NAV1: variants seen among roughly 807,000 people sequenced by gnomAD.
NAV1 encodes the protein pore membrane and/or filament interacting like protein 3.
A neutral mutation model predicts 175.2 loss-of-function variants in NAV1; 18 were observed. The observed-to-expected ratio is 0.10, with a 90% CI of 0.07 to 0.15. NAV1 has a LOEUF of 0.15. NAV1 is among the 10% of genes least tolerant of loss of function. NAV1 has a pLI of 1.00. For missense variants in NAV1, 1,731 were observed against 2,436.6 expected, an observed-to-expected ratio of 0.71 and a Z score of 6.10; for synonymous variants, 897 against 978.7, an observed-to-expected ratio of 0.92 and a Z score of 1.56.
At chr1:201,645,368 A>G (rs1383419480), upstream of NAV1, among the ~76,000 whole-genome samples, 1 of 127,432 alleles carries the variant, frequency 7.8e-6, no homozygotes, top group African/African-American at 3.0e-5. Flanking sequence ...ACATGGACAC[A>G]GGAAGGGGAA....
chr1:201,602,954 C>G (rs1667567462), intron 2 of NAV1, among the ~76,000 whole-genome samples: 1 of 152,138 alleles, frequency 6.6e-6, no homozygotes, highest in African/African-American at 2.4e-5. Flanking sequence ...GCTTCAAAAC[C>G]ACAGAGGGAT....
At chr1:201,617,238 C>G (rs2142499) in intron 2 of NAV1, among the ~76,000 whole-genome samples, 34,179 of 150,484 alleles carry the variant, frequency 0.23, 5,415 homozygotes, top group African/African-American at 0.44. Flanking sequence ...CTCTCTCTCT[C>G]TCTGTCTGTC....
intron 1 of NAV1, among the ~76,000 whole-genome samples, chr1:201,704,613 G>C (rs587164): frequency 0.057 from 8,662 of 152,330 alleles, 327 homozygotes; most frequent in South Asian, 0.15. Flanking sequence ...CCCTGGTTTT[G>C]TAATGGACAT....
intron 1 of NAV1, among the ~76,000 whole-genome samples, chr1:201,711,203 C>T (rs1385958347): frequency 6.6e-6 from 1 of 152,230 alleles, no homozygotes; most frequent in African/African-American, 2.4e-5. Context: ...CCATTTGTCC[C>T]TGATCCTTGC....
intron 1 of NAV1, among the ~76,000 whole-genome samples, chr1:201,628,500 A>G (rs1383825792): frequency 3.9e-5 from 6 of 152,134 alleles, no homozygotes; most frequent in African/African-American, 1.2e-4. Flanking sequence ...CCATCTAGGC[A>G]TTGAAAAAAG....
At chr1:201,550,238 T>C (rs1013077808) in intron 1 of NAV1, among the ~76,000 whole-genome samples, 21 of 152,076 alleles carry the variant, frequency 1.4e-4, no homozygotes, top group Non-Finnish European at 2.6e-4. Context: ...GTGGCACCAA[T>C]GCAGCTCACT....
chr1:201,577,598 T>TAAACA (rs1313273179), intron 1 of NAV1, among the ~76,000 whole-genome samples: 1 of 152,074 alleles, frequency 6.6e-6, no homozygotes, highest in African/African-American at 2.4e-5. Context: ...TGGGCATATT[T>TAAACA]GTGTGGGTCT....
intron 1 of NAV1, among the ~76,000 whole-genome samples, chr1:201,585,563 T>C (rs1480012128): frequency 1.3e-5 from 2 of 152,276 alleles, no homozygotes; most frequent in East Asian, 3.9e-4. Context: ...GCAAATCTTA[T>C]ATCTGATAAG....
At chr1:201,736,596 C>T (rs1461459011) in intron 3 of NAV1, among the ~76,000 whole-genome samples, 1 of 152,156 alleles carries the variant, frequency 6.6e-6, no homozygotes, top group African/African-American at 2.4e-5. Flanking sequence ...GAATTACCCC[C>T]TCCCAGGAAT....
chr1:201,784,734 C>A (rs185242957), intron 7 of NAV1, among the ~76,000 whole-genome samples: 2 of 151,722 alleles, frequency 1.3e-5, no homozygotes, highest in Admixed American at 1.3e-4. Flanking sequence ...ACTAACTATG[C>A]CTTAATTTCT....
chr1:201,643,985 A>G (rs972906452), upstream of NAV1, among the ~76,000 whole-genome samples: 2 of 152,230 alleles, frequency 1.3e-5, no homozygotes, highest in African/African-American at 4.8e-5. Flanking sequence ...CACTCATCCT[A>G]TCGCCATTCC....
chr1:201,735,357 G>A (rs1343704292), intron 3 of NAV1, among the ~76,000 whole-genome samples: 1 of 152,194 alleles, frequency 6.6e-6, no homozygotes, highest in Non-Finnish European at 1.5e-5. Flanking sequence ...GCTCTCTAAA[G>A]TCCTTTTTGG....
At chr1:201,564,608 G>A (rs504156) in intron 1 of NAV1, among the ~76,000 whole-genome samples, 6,904 of 152,316 alleles carry the variant, frequency 0.045, 186 homozygotes, top group South Asian at 0.11. Flanking sequence ...GGGCAACAGA[G>A]TGAGACTCTG....
chr1:201,613,108 T>A (rs1288922987), intron 2 of NAV1, among the ~76,000 whole-genome samples: 1 of 152,092 alleles, frequency 6.6e-6, no homozygotes. Context: ...CTCATGCAGG[T>A]CATTCTGTCC....
chr1:201,738,420 G>A (rs1447592768), intron 3 of NAV1, among the ~76,000 whole-genome samples: 4 of 152,088 alleles, frequency 2.6e-5, no homozygotes, highest in South Asian at 4.2e-4. Context: ...TAAGAACTGT[G>A]GTTCATCACT....
chr1:201,542,885 G>A (rs1013916906), intron 1 of NAV1, among the ~76,000 whole-genome samples: 16 of 152,332 alleles, frequency 1.1e-4, no homozygotes, highest in African/African-American at 3.6e-4. Context: ...TGCTCTGAAA[G>A]CTTTCATAAA....
At chr1:201,574,811 A>ACAGATT (rs1308254903) in intron 1 of NAV1, among the ~76,000 whole-genome samples, 11 of 152,088 alleles carry the variant, frequency 7.2e-5, no homozygotes, top group Non-Finnish European at 1.5e-4. Context: ...CTCTGCACAG[A>ACAGATT]CAGATTCAGT....
chr1:201,826,623 T>C (rs1018372392), exon 30 of NAV1: 1 of 152,000 alleles, frequency 6.6e-6, no homozygotes. Flanking sequence ...CCAGGATATG[T>C]GTATGTCTGT....
chr1:201,688,448 A>G lies in NAV1; in HGVS notation c.758-24369A>G, dbSNP rs1460115101. The G allele has an allele frequency of 3.3e-5, 5 of 152,226 alleles. No individual in the cohort carries two copies. In the East Asian group the frequency reaches 7.7e-4, roughly 23 times the overall value. The allele number at this position is 152,226 out of a possible 1,614,324, so 9.4% of individuals were successfully genotyped here. On this transcript the variant is annotated intron_variant, in intron 1 of 29. Transcript: ENST00000367296. Reference sequence around the variant, plus strand: ...GAAAGAGTGAAGAAGATGATCTGGGATATTAGAAATGATAATATTTCTCTG... The same window carrying G: ...GAAAGAGTGAAGAAGATGATCTGGGGTATTAGAAATGATAATATTTCTCTG...
Sources: allele counts gnomAD v4.1 joint callset (sites outside exome capture counted in the v4.1 genomes callset), GRCh38; gene constraint gnomAD v4.1.1; transcripts MANE v1.5; gene names NCBI Gene and HGNC (gene_info 2026-07-23, HGNC 2026-07-21).